The following CAMK2D variants were observed in gnomAD, a reference collection of about 807,000 sequenced individuals.
CAMK2D encodes the protein calcium/calmodulin-dependent protein kinase type II subunit delta.
CAMK2D carries 37 observed loss-of-function variants against 84.0 expected under a neutral mutation model. That is an observed-to-expected ratio of 0.44 (90% CI 0.34 to 0.58). The LOEUF (loss-of-function observed/expected upper bound fraction) is 0.58. CAMK2D is among the 20% of genes least tolerant of loss of function. The pLI, the probability that CAMK2D is intolerant of heterozygous loss-of-function variation, is 0.02. For synonymous variants in CAMK2D, 202 were observed against 212.5 expected (o/e 0.95, Z 0.43); for missense variants, 448 against 652.5 (o/e 0.69, Z 3.41).
rs1554009360 is a variant in CAMK2D at position 113,619,234 on chromosome 4, T to TTG, written c.221-10029_221-10028insCA. 0.01 allele frequency among the ~76,000 whole-genome samples: 1,587 copies of TTG among 151,744 alleles called. 35 individuals are homozygous for TTG. The East Asian group carries it at 0.11, about 11-fold the overall frequency. On this transcript the variant is annotated intron_variant, in intron 3 of 20. Transcript: ENST00000511664. ...GTGAGATGGAATATACATACATATA[T>TTG]AGAAAATCTGACCACTTTTCATCTC...
chr4:113,509,613 G>C (rs1713008294), intron 13 of CAMK2D, 25 bp downstream of exon 13: 1 of 1,496,782 alleles, frequency 6.7e-7, no homozygotes, highest in South Asian at 1.1e-5. Context: ...GTCAGAAATG[G>C]ATTAGGGGCA....
intron 4 of CAMK2D, among the ~76,000 whole-genome samples, chr4:113,600,159 CAGA>C (rs2098945730): frequency 6.6e-6 from 1 of 152,114 alleles, no homozygotes; most frequent in Admixed American, 6.5e-5. Flanking sequence ...AGGCAGAAGA[CAGA>C]AGATTTTTAG....
chr4:113,758,199 A>C (rs2099633034), intron 2 of CAMK2D, among the ~76,000 whole-genome samples: 1 of 152,190 alleles, frequency 6.6e-6, no homozygotes, highest in Non-Finnish European at 1.5e-5. Context: ...TCATACCATG[A>C]TTCTATGGTG....
chr4:113,500,058 T>C (rs983760051), intron 16 of CAMK2D, among the ~76,000 whole-genome samples: 2 of 152,200 alleles, frequency 1.3e-5, no homozygotes, highest in African/African-American at 4.8e-5. Context: ...AGTTAAAAAG[T>C]TATTTTTATA....
chr4:113,757,051 C>T (rs2099630101), intron 2 of CAMK2D, among the ~76,000 whole-genome samples: 1 of 152,036 alleles, frequency 6.6e-6, no homozygotes, highest in Non-Finnish European at 1.5e-5. Context: ...CCTCAGAACA[C>T]CCCATGAGAC....
intron 2 of CAMK2D, among the ~76,000 whole-genome samples, chr4:113,712,778 G>T (rs1459322124): frequency 6.7e-6 from 1 of 149,292 alleles, no homozygotes; most frequent in Non-Finnish European, 1.5e-5. Flanking sequence ...TTTCCAAAAA[G>T]AAAAAAAAGG....
intron 6 of CAMK2D, among the ~76,000 whole-genome samples, chr4:113,542,344 A>G (rs2098535523): frequency 6.6e-6 from 1 of 152,246 alleles, no homozygotes; most frequent in Admixed American, 6.5e-5. Flanking sequence ...TAGCTCTGAG[A>G]AAAGTATAAT....
chr4:113,645,250 T>G (rs1192017021), intron 3 of CAMK2D, among the ~76,000 whole-genome samples: 1 of 152,162 alleles, frequency 6.6e-6, no homozygotes, highest in Non-Finnish European at 1.5e-5. Flanking sequence ...TCTCCTGACC[T>G]CATGATCCGC....
chr4:113,679,958 C>A (rs745622890), intron 2 of CAMK2D, among the ~76,000 whole-genome samples: 1 of 152,122 alleles, frequency 6.6e-6, no homozygotes, highest in East Asian at 1.9e-4. Flanking sequence ...TATGAAAATA[C>A]AATTTCCAAA....
intron 3 of CAMK2D, among the ~76,000 whole-genome samples, chr4:113,630,789 T>C (rs939134511): frequency 2.6e-5 from 4 of 152,130 alleles, no homozygotes; most frequent in Non-Finnish European, 4.4e-5. Context: ...ATCTGTTAGA[T>C]GGGACAAGTC....
At chr4:113,637,781 T>A in intron 3 of CAMK2D, among the ~76,000 whole-genome samples, 1 of 152,122 alleles carries the variant, frequency 6.6e-6, no homozygotes, top group Admixed American at 6.5e-5. Context: ...TTTTTTTTAA[T>A]CCATAGGTTG....
At chr4:113,547,758 A>AGTTAGTT in intron 5 of CAMK2D, 42 bp from the exon 6 acceptor site, 1 of 1,311,430 alleles carries the variant, frequency 7.6e-7, no homozygotes, top group Non-Finnish European at 1.1e-6. Context: ...TTCCAAGCTT[A>AGTTAGTT]CACTCACTGT....
chr4:113,706,536 T>C (rs1483735082), intron 2 of CAMK2D, among the ~76,000 whole-genome samples: 2 of 152,214 alleles, frequency 1.3e-5, no homozygotes, highest in African/African-American at 4.8e-5. Flanking sequence ...TTTTATAAAC[T>C]ATATAGGCTC....
intron 8 of CAMK2D, among the ~76,000 whole-genome samples, chr4:113,523,731 C>CA (rs1306118087): frequency 6.6e-6 from 1 of 151,974 alleles, no homozygotes; most frequent in African/African-American, 2.4e-5. Context: ...AAGATGGTGC[C>CA]ACTGCACCCC....
At chr4:113,664,189 T>C (rs2099248550) in intron 2 of CAMK2D, among the ~76,000 whole-genome samples, 3 of 152,228 alleles carry the variant, frequency 2.0e-5, no homozygotes, top group African/African-American at 2.4e-5. Context: ...TTTCTCACAA[T>C]TGGCTATTTA....
intron 3 of CAMK2D, among the ~76,000 whole-genome samples, chr4:113,641,903 G>C (rs1188738337): frequency 6.6e-6 from 1 of 152,076 alleles, no homozygotes; most frequent in African/African-American, 2.4e-5. Flanking sequence ...CAGCTACTCA[G>C]GAAGGCTGAG....
chr4:113,698,520 T>C (rs968146117), intron 2 of CAMK2D, among the ~76,000 whole-genome samples: 6 of 152,146 alleles, frequency 3.9e-5, no homozygotes, highest in African/African-American at 1.2e-4. Flanking sequence ...AAATGTTAGC[T>C]ATCCTCATTA....
At chr4:113,597,256 C>A (rs774855636) in intron 4 of CAMK2D, among the ~76,000 whole-genome samples, 5 of 152,212 alleles carry the variant, frequency 3.3e-5, no homozygotes, top group Admixed American at 6.5e-5. Flanking sequence ...ATGAAAGTCC[C>A]AGATGGCATC....
At chr4:113,720,118 C>A (rs370783127) in intron 2 of CAMK2D, among the ~76,000 whole-genome samples, 2 of 152,064 alleles carry the variant, frequency 1.3e-5, no homozygotes, top group Admixed American at 6.6e-5. Context: ...GAGTTGCTAT[C>A]AACAGTTCTC....
Sources: allele counts gnomAD v4.1 joint callset (sites outside exome capture counted in the v4.1 genomes callset), GRCh38; gene constraint gnomAD v4.1.1; transcripts MANE v1.5; gene names NCBI Gene and HGNC (gene_info 2026-07-23, HGNC 2026-07-21).